Variants in SLC30A8 observed in about 807,000 individuals in gnomAD.
The protein encoded by SLC30A8 is solute carrier family 30 member 8.
A neutral mutation model predicts 36.9 loss-of-function variants in SLC30A8; 27 were observed. That is an observed-to-expected ratio of 0.73 (90% confidence interval 0.54 to 1.01). The LOEUF is 1.01. Among genes scored for constraint, SLC30A8 ranks in the 50% least tolerant of loss-of-function variants. The pLI is 0.00. For synonymous variants in SLC30A8, 164 were observed against 172.4 expected, an observed-to-expected ratio of 0.95 and a Z score of 0.38; for missense variants, 439 against 452.0, an observed-to-expected ratio of 0.97 and a Z score of 0.26.
intron 2 of SLC30A8, among the ~76,000 whole-genome samples, chr8:117,076,106 T>G (rs1243392721): frequency 6.6e-6 from 1 of 152,222 alleles, no homozygotes; most frequent in Non-Finnish European, 1.5e-5. Context: ...AATTTCAGAC[T>G]TTAAAAAGTT....
At chr8:117,001,083 G>C (rs992290430) in intron 1 of SLC30A8, among the ~76,000 whole-genome samples, 1 of 151,942 alleles carries the variant, frequency 6.6e-6, no homozygotes, top group African/African-American at 2.4e-5. Context: ...ATCAGGGTGG[G>C]CTCTGACTGG....
At chr8:117,157,485 C>T (rs1822555308) in intron 3 of SLC30A8, among the ~76,000 whole-genome samples, 1 of 152,178 alleles carries the variant, frequency 6.6e-6, no homozygotes, top group African/African-American at 2.4e-5. Flanking sequence ...CATAGTGACT[C>T]AGATGCTGGT....
intron 1 of SLC30A8, among the ~76,000 whole-genome samples, chr8:116,954,855 G>A (rs1814133877): frequency 6.6e-6 from 1 of 152,180 alleles, no homozygotes; most frequent in African/African-American, 2.4e-5. Flanking sequence ...ATGTAAATAA[G>A]AGTAGAAGTC....
chr8:116,955,276 G>A (rs1814150738), intron 1 of SLC30A8, among the ~76,000 whole-genome samples: 1 of 152,114 alleles, frequency 6.6e-6, no homozygotes, highest in Admixed American at 6.5e-5. Context: ...GGCTAGTGTG[G>A]GCCCTAAATC....
At chr8:117,169,763 G>C (rs1563641616) in intron 6 of SLC30A8, among the ~76,000 whole-genome samples, 1 of 152,022 alleles carries the variant, frequency 6.6e-6, no homozygotes, top group Non-Finnish European at 1.5e-5. Flanking sequence ...GGCAAGGGAG[G>C]TGCTACACAC....
At chr8:116,976,564 C>A (rs1407377870) in intron 1 of SLC30A8, among the ~76,000 whole-genome samples, 1 of 152,158 alleles carries the variant, frequency 6.6e-6, no homozygotes, top group Admixed American at 6.5e-5. Flanking sequence ...AATCTGTTGC[C>A]TAGAAGGGCA....
chr8:116,953,358 T>C (rs916542763), intron 1 of SLC30A8, among the ~76,000 whole-genome samples: 1 of 152,236 alleles, frequency 6.6e-6, no homozygotes, highest in African/African-American at 2.4e-5. Context: ...CTTTATTCTT[T>C]CTAATACGAC....
intron 2 of SLC30A8, among the ~76,000 whole-genome samples, chr8:117,042,842 A>C (rs889231964): frequency 2.0e-5 from 3 of 152,046 alleles, no homozygotes; most frequent in African/African-American, 7.2e-5. Flanking sequence ...CAACCGGCTA[A>C]TTTTTGTATT....
intron 2 of SLC30A8, among the ~76,000 whole-genome samples, chr8:117,100,531 G>GAGCA (rs1338149049): frequency 6.6e-6 from 1 of 152,146 alleles, no homozygotes; most frequent in Non-Finnish European, 1.5e-5. Flanking sequence ...GGTGCTCTTA[G>GAGCA]AGCAGGCAAT....
At chr8:116,968,670 A>G (rs941162974) in intron 1 of SLC30A8, among the ~76,000 whole-genome samples, 26 of 148,818 alleles carry the variant, frequency 1.7e-4, no homozygotes, top group African/African-American at 6.2e-4. Flanking sequence ...TATATATTCC[A>G]TTCTCTTATA....
intron 2 of SLC30A8, among the ~76,000 whole-genome samples, chr8:117,061,736 A>T (rs1818028590): frequency 1.3e-5 from 2 of 152,166 alleles, no homozygotes; most frequent in African/African-American, 4.8e-5. Flanking sequence ...GTGTGTTTTC[A>T]GCTATCAGCT....
intron 2 of SLC30A8, among the ~76,000 whole-genome samples, chr8:117,059,468 G>A (rs924232777): frequency 1.3e-5 from 2 of 152,186 alleles, no homozygotes; most frequent in Non-Finnish European, 2.9e-5. Context: ...ACATCTACTA[G>A]TATAGAGTAA....
rs141144185 is a variant in SLC30A8 at position 117,034,747 on chromosome 8, T to C, written c.-265-4472T>C. Among the ~76,000 whole-genome samples, 835 of 152,246 alleles carry C rather than the reference T, an allele frequency of 5.5e-3. 11 individuals carry two copies. Among genetic ancestry groups the C allele is most frequent in the African/African-American group, 0.019 (780 of 41,536 alleles). Reference sequence around the variant, plus strand: ...AAGAACTGCTTGAGACTGGGTAATTTATAAAGAAAAGAGGTTTAATTGACT... The same window carrying C: ...AAGAACTGCTTGAGACTGGGTAATTCATAAAGAAAAGAGGTTTAATTGACT... On this transcript the variant is annotated intron_variant, in intron 1 of 10. Transcript: ENST00000427715.
chr8:117,151,812 T>A (rs1314889484), intron 2 of SLC30A8, among the ~76,000 whole-genome samples: 1 of 152,174 alleles, frequency 6.6e-6, no homozygotes, highest in Non-Finnish European at 1.5e-5. Context: ...TAGAGCAACA[T>A]TAGAGGATAA....
intron 1 of SLC30A8, among the ~76,000 whole-genome samples, chr8:116,969,649 A>G (rs979775594): frequency 2.0e-5 from 3 of 152,200 alleles, no homozygotes; most frequent in Admixed American, 2.0e-4. Flanking sequence ...TGTATGGTAT[A>G]GACTATCGCT....
rs994881251 is a variant in SLC30A8 at position 117,163,650 on chromosome 8, A to C, written c.829+120A>C. Reference sequence around the variant, plus strand: ...TGAATTATGGGAAAAATTTAAAGTGAAAAGGAATTTTTGTGAAAACAATCA... The same window carrying C: ...TGAATTATGGGAAAAATTTAAAGTGCAAAGGAATTTTTGTGAAAACAATCA... On this transcript the variant is annotated intron_variant, in intron 6 of 7. Transcript: ENST00000456015. 6.4e-5 allele frequency: 47 copies of C among 731,364 alleles called. 1 individual carries two copies. Among genetic ancestry groups the C allele is most frequent in the Middle Eastern group, 5.2e-4 (2 of 3,876 alleles). The allele number at this position is 731,364 out of a possible 1,614,324, so 45.3% of individuals were successfully genotyped here.
In SLC30A8 at chr8:117,172,746, C is replaced by T. The variant is rs1823451878; in HGVS notation, c.*65C>T. On this transcript the variant is annotated 3_prime_UTR_variant, in exon 8 of 8. Transcript: ENST00000456015. ...CTTCAAACATGCTGCTATGCAGTTT[C>T]TGCATCATAGAAAATAAGGAACCAA... 1.2e-5 allele frequency: 18 copies of T among 1,562,520 alleles called. No individual in the cohort carries two copies. The highest frequency in any genetic ancestry group is 1.6e-5 in the Non-Finnish European group (18 of 1,142,056).
At chr8:116,967,000 G>A (rs1318348582) in intron 1 of SLC30A8, among the ~76,000 whole-genome samples, 1 of 152,196 alleles carries the variant, frequency 6.6e-6, no homozygotes, top group Non-Finnish European at 1.5e-5. Context: ...CATTTCTTGA[G>A]CATTTCTGAC....
chr8:117,058,860 T>G (rs1401678472), intron 2 of SLC30A8, among the ~76,000 whole-genome samples: 2 of 152,214 alleles, frequency 1.3e-5, no homozygotes, highest in African/African-American at 4.8e-5. Flanking sequence ...GCTGATTTCA[T>G]GCTACAAAGC....
Sources: gnomAD v4.1 joint callset for allele counts (sites outside exome capture counted in the v4.1 genomes callset) on GRCh38, gnomAD v4.1.1 for gene constraint, MANE v1.5 for transcripts, NCBI Gene and HGNC (gene_info 2026-07-23, HGNC 2026-07-21) for gene names.